PSG2: variants seen among roughly 807,000 people sequenced by gnomAD.
PSG2 encodes pregnancy-specific beta-1-glycoprotein 2.
In PSG2, 49 loss-of-function variants were observed where a neutral mutation model predicts 36.2. That is an observed-to-expected ratio of 1.35 (90% CI 1.08 to 1.72). The LOEUF (loss-of-function observed/expected upper bound fraction) is 1.72. Among genes scored for constraint, PSG2 ranks in the 40% most tolerant of loss-of-function variants. PSG2 has a pLI of 0.00. For missense variants in PSG2, 605 were observed against 407.2 expected (o/e 1.49, Z -4.18); for synonymous variants, 261 against 155.6 (o/e 1.68, Z -5.04).
intron 3 of PSG2, among the ~76,000 whole-genome samples, chr19:43,074,601 G>T (rs1457957503): frequency 6.6e-6 from 1 of 151,584 alleles, no homozygotes; most frequent in Middle Eastern, 3.2e-3. Flanking sequence ...CTGGGGTTTT[G>T]ATTTTCCCTC....
chr19:43,064,697 T>C, intron 5 of PSG2, 96 bp from the exon 6 acceptor site: 1 of 435,992 alleles, frequency 2.3e-6, no homozygotes, highest in Non-Finnish European at 4.4e-6. Flanking sequence ...TTAAACTGAC[T>C]ATGGTTAAAA....
In PSG2 at chr19:43,073,210, A is replaced by T. The variant is rs537837335; in HGVS notation, c.710-1256T>A. Among the ~76,000 whole-genome samples, 323 of 151,950 alleles carry T rather than the reference A, an allele frequency of 2.1e-3. 6 individuals are homozygous for T. The highest frequency in any genetic ancestry group is 5.5e-3 in the Admixed American group (84 of 15,262). The stretch of plus-strand genomic sequence containing the variant: ...AGTTCAGTCATCAGGCAGTGGAGGC[A>T]CAAGGTGGGGCAGCTTTTTGCAGGT... On this transcript the variant is annotated intron_variant, in intron 3 of 5. Coordinates refer to ENST00000406487, the MANE Select transcript of PSG2 (RefSeq NM_031246.4).
At chr19:43,072,579 T>A in intron 3 of PSG2, 1 of 1,611,418 alleles carries the variant, frequency 6.2e-7, no homozygotes, top group Admixed American at 1.7e-5. Flanking sequence ...ACATCCTTAT[T>A]CTCCCTGGGG....
chr19:43,078,612 CA>C (rs1460493169), intron 2 of PSG2, among the ~76,000 whole-genome samples: 3 of 151,638 alleles, frequency 2.0e-5, no homozygotes, highest in South Asian at 2.1e-4. Context: ...ATTCCATCAC[CA>C]AACAATCAGC....
chr19:43,070,788 C>T (rs1438643027), intron 4 of PSG2, among the ~76,000 whole-genome samples: 1 of 151,616 alleles, frequency 6.6e-6, no homozygotes, highest in East Asian at 1.9e-4. Flanking sequence ...GGTTACACAA[C>T]ACTAAATTGC....
chr19:43,065,705 A>C (rs1407137444), intron 5 of PSG2: 1 of 151,328 alleles, frequency 6.6e-6, no homozygotes, highest in African/African-American at 2.4e-5. Context: ...TGCCTTCTTC[A>C]TTTCTGTATG....
intron 4 of PSG2, among the ~76,000 whole-genome samples, chr19:43,070,273 C>T (rs556514111): frequency 4.0e-5 from 6 of 151,828 alleles, no homozygotes; most frequent in South Asian, 2.1e-4. Context: ...GTTATAGCCA[C>T]TGTAAAAATT....
Position 43,081,438 on chromosome 19 carries a change from G to C in PSG2, c.65-192C>G, listed in dbSNP as rs1967974383. On this transcript the variant is annotated intron_variant, in intron 1 of 5. Coordinates refer to ENST00000406487, the MANE Select transcript of PSG2 (RefSeq NM_031246.4). ...TGTTTGTATGTGTGTATGTGTGTGTGTACTACTGTCCTACTAGGTCAAGGT... is the reference window on the plus strand; with the variant it reads ...TGTTTGTATGTGTGTATGTGTGTGTCTACTACTGTCCTACTAGGTCAAGGT... Among the ~76,000 whole-genome samples the C allele has an allele frequency of 2.0e-5, 3 of 150,972 alleles. No homozygotes were observed. In the South Asian group the frequency reaches 6.3e-4, roughly 31 times the overall value.
intron 2 of PSG2, among the ~76,000 whole-genome samples, chr19:43,076,900 A>G (rs951474082): frequency 6.6e-6 from 1 of 151,626 alleles, no homozygotes. Flanking sequence ...AAAATCCACA[A>G]TGCGCCAGTG....
chr19:43,079,385 C>T (rs1307128122), intron 2 of PSG2, among the ~76,000 whole-genome samples: 3 of 151,426 alleles, frequency 2.0e-5, no homozygotes, highest in East Asian at 1.9e-4. Context: ...ACATGGGTGT[C>T]AGCTTCTGAA....
chr19:43,082,401 A>G, intron 1 of PSG2, 105 bp downstream of exon 1: 1 of 1,521,756 alleles, frequency 6.6e-7, no homozygotes, highest in Non-Finnish European at 9.0e-7. Flanking sequence ...CAGCCTCCCT[A>G]AGTGCTGGCT....
chr19:43,072,076 C>A, intron 3 of PSG2, 122 bp from the exon 4 acceptor site: 1 of 1,441,098 alleles, frequency 6.9e-7, no homozygotes, highest in Non-Finnish European at 9.4e-7. Flanking sequence ...AGCAAAACCC[C>A]CTCTATGTTC....
rs376288972 is a variant in PSG2 at position 43,082,533 on chromosome 19, T to C, written c.37A>G (p.Ile13Val). The part of the protein sequence containing the change: ...PLSAPPCTEH[I>V]KWKGLLVTAS... ...GTGACCAGGAGCCCCTTCCATTTGATGTGCTCTGTGCAGGGAGGGGCTGAG... is the reference window on the plus strand; with the variant it reads ...GTGACCAGGAGCCCCTTCCATTTGACGTGCTCTGTGCAGGGAGGGGCTGAG... The change falls in exon 1 of 6, where the codon ATC becomes GTC. Residue 13 changes from isoleucine to valine, a missense_variant. Ile to Val is a conservative substitution (Grantham distance 29). Transcript: ENST00000406487. The C allele has an allele frequency of 9.3e-6, 15 of 1,612,020 alleles. No homozygotes were observed. The highest frequency in any genetic ancestry group is 1.3e-5 in the Non-Finnish European group (15 of 1,179,126).
At chr19:43,082,450 C>T in intron 1 of PSG2, 56 bp downstream of exon 1, 2 of 1,593,754 alleles carry the variant, frequency 1.3e-6, no homozygotes, top group Admixed American at 3.3e-5. Flanking sequence ...CCAGGAGACC[C>T]CATCCAGTCA....
rs767533721 is a variant in PSG2 at position 43,066,618 on chromosome 19, G to C, written c.965-18C>G. 7.8e-5 allele frequency: 123 copies of C among 1,584,622 alleles called. 2 individuals are homozygous for C. Among genetic ancestry groups the C allele is most frequent in the Middle Eastern group, 5.0e-4 (3 of 6,022 alleles). On this transcript the variant is annotated intron_variant, in intron 4 of 5. Coordinates refer to ENST00000406487, the MANE Select transcript of PSG2 (RefSeq NM_031246.4). ...TGTAGAAGCTGTCATGGAAAGAAAA[G>C]TAAAGAAGGAATGAAGGTGATGTTA...
chr19:43,080,829 G>C, intron 2 of PSG2, 52 bp downstream of exon 2: 1 of 1,612,170 alleles, frequency 6.2e-7, no homozygotes, highest in Non-Finnish European at 8.5e-7. Flanking sequence ...TGTGTGTGAA[G>C]TAGAAATGAC....
chr19:43,079,606 G>A (rs539862071), intron 2 of PSG2, among the ~76,000 whole-genome samples: 1 of 151,838 alleles, frequency 6.6e-6, no homozygotes, highest in African/African-American at 2.4e-5. Context: ...TCTCATGACA[G>A]TGACATGGAC....
At chr19:43,068,674 A>G (rs1967775875) in intron 4 of PSG2, among the ~76,000 whole-genome samples, 2 of 151,864 alleles carry the variant, frequency 1.3e-5, no homozygotes, top group Admixed American at 6.6e-5. Context: ...ATGAAATTCC[A>G]TATTTTTTCA....
chr19:43,076,380 TC>T (rs755416146), intron 2 of PSG2, among the ~76,000 whole-genome samples: 14 of 151,626 alleles, frequency 9.2e-5, no homozygotes, highest in Non-Finnish European at 1.9e-4. Context: ...AATGCTCCCT[TC>T]CCCCTGTAGA....
Sources: allele counts gnomAD v4.1 joint callset (sites outside exome capture counted in the v4.1 genomes callset), GRCh38; gene constraint gnomAD v4.1.1; transcripts MANE v1.5; gene names NCBI Gene and HGNC (gene_info 2026-07-23, HGNC 2026-07-21).